Variants in PPP2R2C observed in about 807,000 individuals in gnomAD.
PPP2R2C encodes protein phosphatase 2, regulatory subunit B, gamma.
In PPP2R2C, 10 loss-of-function variants were observed where a neutral mutation model predicts 45.3. The ratio of observed to expected loss-of-function variants is 0.22; its 90% CI spans 0.14 to 0.37. The LOEUF (loss-of-function observed/expected upper bound fraction) is 0.37, where lower values mean the gene tolerates loss of function less well. Among genes scored for constraint, PPP2R2C ranks in the 10% least tolerant of loss-of-function variants. The pLI is 1.00. For synonymous variants in PPP2R2C, 257 were observed against 245.4 expected (o/e 1.05, Z -0.44); for missense variants, 308 against 619.7 (o/e 0.50, Z 5.34).
At chr4:6,409,780 C>T (rs936942395) in intron 1 of PPP2R2C, among the ~76,000 whole-genome samples, 7 of 152,188 alleles carry the variant, frequency 4.6e-5, no homozygotes, top group Non-Finnish European at 8.8e-5. Flanking sequence ...AAGAGGAGAA[C>T]TCAGGTCTCT....
intron 6 of PPP2R2C, among the ~76,000 whole-genome samples, chr4:6,343,207 G>A (rs754762288): frequency 1.1e-4 from 16 of 152,166 alleles, no homozygotes; most frequent in Non-Finnish European, 1.9e-4. Context: ...AACACAGCCC[G>A]GACAAGGCAT....
intron 1 of PPP2R2C, among the ~76,000 whole-genome samples, chr4:6,561,996 T>G (rs1419339583): frequency 6.6e-6 from 1 of 152,150 alleles, no homozygotes; most frequent in Non-Finnish European, 1.5e-5. Context: ...CCGGATATAG[T>G]CCCTGCCCTC....
chr4:6,383,443 A>C lies in PPP2R2C; in HGVS notation c.71-2349T>G, dbSNP rs1310627763. 6 of 1,288,288 alleles carry C rather than the reference A, an allele frequency of 4.7e-6. No homozygotes were observed. The African/African-American group carries it at 6.1e-5, about 13-fold the overall frequency. 79.8% of individuals were successfully genotyped at this position (1,288,288 alleles called of 1,614,324 possible). Reference sequence around the variant, plus strand: ...CTCATCTACTGCTCTCCACCTGCTTATTCCCCTCCAAACACCAGGCTCCTT... The same window carrying C: ...CTCATCTACTGCTCTCCACCTGCTTCTTCCCCTCCAAACACCAGGCTCCTT... On this transcript the variant is annotated intron_variant, in intron 1 of 8. Transcript: ENST00000382599.
chr4:6,482,625 C>T (rs952496851), intron 2 of PPP2R2C, among the ~76,000 whole-genome samples: 1 of 152,214 alleles, frequency 6.6e-6, no homozygotes, highest in Non-Finnish European at 1.5e-5. Flanking sequence ...TCACATGCTT[C>T]TAATAGTTTG....
chr4:6,333,519 G>GA (rs757558049), intron 7 of PPP2R2C, 43 bp downstream of exon 7: 3 of 1,599,074 alleles, frequency 1.9e-6, no homozygotes, highest in Admixed American at 1.7e-5. Flanking sequence ...TCAGCATAGG[G>GA]AAAAAAGACC....
At chr4:6,382,214 G>A in intron 1 of PPP2R2C, 1 of 1,202,810 alleles carries the variant, frequency 8.3e-7, no homozygotes, top group Non-Finnish European at 1.1e-6. Context: ...ATAGGCCCAA[G>A]CAGCAAAAGC....
intron 1 of PPP2R2C, among the ~76,000 whole-genome samples, chr4:6,451,127 C>A (rs1013061053): frequency 6.6e-6 from 1 of 152,208 alleles, no homozygotes; most frequent in Admixed American, 6.5e-5. Flanking sequence ...CCACCCGACA[C>A]GGTACCATCA....
At chr4:6,493,944 G>C (rs991897559) in intron 2 of PPP2R2C, among the ~76,000 whole-genome samples, 1 of 152,244 alleles carries the variant, frequency 6.6e-6, no homozygotes, top group East Asian at 1.9e-4. Context: ...CTGGCTGTTA[G>C]ATGCGTTGGC....
intron 1 of PPP2R2C, among the ~76,000 whole-genome samples, chr4:6,424,124 G>GCAGCCGGA (rs1719142794): frequency 6.6e-6 from 1 of 152,238 alleles, no homozygotes; most frequent in Non-Finnish European, 1.5e-5. Context: ...GGATTAGGAG[G>GCAGCCGGA]AAGGGGCTGC....
intron 1 of PPP2R2C, among the ~76,000 whole-genome samples, chr4:6,453,515 G>T (rs957802194): frequency 2.0e-5 from 3 of 150,362 alleles, no homozygotes; most frequent in Non-Finnish European, 4.4e-5. Context: ...CACATGGTGA[G>T]CTCTCACTGA....
chr4:6,386,207 C>T (rs191015032), intron 1 of PPP2R2C, among the ~76,000 whole-genome samples: 49 of 152,348 alleles, frequency 3.2e-4, no homozygotes, highest in African/African-American at 9.4e-4. Flanking sequence ...GAGGAACAGC[C>T]GGCGTTGGCT....
At chr4:6,352,557 G>C in intron 5 of PPP2R2C, among the ~76,000 whole-genome samples, 1 of 152,284 alleles carries the variant, frequency 6.6e-6, no homozygotes, top group African/African-American at 2.4e-5. Flanking sequence ...GGTGGGATTT[G>C]TTTCCCTTCC....
At chr4:6,563,631 G>C (rs1003131260), upstream of PPP2R2C, 1 of 151,794 alleles carries the variant, frequency 6.6e-6, no homozygotes, top group African/African-American at 2.4e-5. The surrounding 1 kb of genome is among the most constrained non-coding windows in gnomAD (Gnocchi z 5.8). Flanking sequence ...GGCGGCGGGC[G>C]CGGCGGGCGC....
chr4:6,413,840 G>A (rs1718367316), intron 1 of PPP2R2C: 13 of 1,532,648 alleles, frequency 8.5e-6, no homozygotes, highest in Non-Finnish European at 1.1e-5. Flanking sequence ...TCCCACTCAG[G>A]GCTGGCCAGC....
intron 1 of PPP2R2C, among the ~76,000 whole-genome samples, chr4:6,412,081 C>G (rs1227216793): frequency 6.6e-6 from 1 of 152,160 alleles, no homozygotes; most frequent in African/African-American, 2.4e-5. Context: ...GACCCTGGCC[C>G]CAAAAGGATG....
At chr4:6,438,388 T>C (rs1168255244) in intron 1 of PPP2R2C, among the ~76,000 whole-genome samples, 1 of 152,202 alleles carries the variant, frequency 6.6e-6, no homozygotes, top group Non-Finnish European at 1.5e-5. Flanking sequence ...CCCAAGAGAA[T>C]AGACTCATTC....
chr4:6,385,114 T>C (rs1253816019), intron 1 of PPP2R2C, among the ~76,000 whole-genome samples: 1 of 152,176 alleles, frequency 6.6e-6, no homozygotes, highest in African/African-American at 2.4e-5. Context: ...TGCTCCTGGC[T>C]GCCACAGAAT....
chr4:6,335,754 G>C (rs1381296430), intron 6 of PPP2R2C, among the ~76,000 whole-genome samples: 3 of 151,942 alleles, frequency 2.0e-5, no homozygotes, highest in African/African-American at 7.3e-5. Context: ...GTGAGAGGAG[G>C]GGGAGGGAAG....
intron 2 of PPP2R2C, among the ~76,000 whole-genome samples, chr4:6,493,037 C>A (rs1446176862): frequency 6.6e-6 from 1 of 152,160 alleles, no homozygotes; most frequent in Non-Finnish European, 1.5e-5. Flanking sequence ...AACATGCATA[C>A]CCTGCCTCGG....
Sources: gnomAD v4.1 joint callset for allele counts (sites outside exome capture counted in the v4.1 genomes callset) on GRCh38, gnomAD v4.1.1 for gene constraint, Gnocchi (gnomAD v3.1) non-coding constraint, MANE v1.5 for transcripts, NCBI Gene and HGNC (gene_info 2026-07-23, HGNC 2026-07-21) for gene names.